The following CMSS1 variants were observed in gnomAD, a reference collection of about 807,000 sequenced individuals.
CMSS1 encodes cms1 ribosomal small subunit homolog, also known as protein CMSS1.
A neutral mutation model predicts 43.5 loss-of-function variants in CMSS1; 33 were observed. That is an observed-to-expected ratio of 0.76 (90% CI 0.57 to 1.01). The LOEUF is 1.01. CMSS1 is among the 50% of genes least tolerant of loss of function. The pLI, the probability that CMSS1 is intolerant of heterozygous loss-of-function variation, is 0.00. For missense variants in CMSS1, 313 were observed against 326.4 expected, an observed-to-expected ratio of 0.96 and a Z score of 0.32; for synonymous variants, 115 against 117.2, an observed-to-expected ratio of 0.98 and a Z score of 0.12.
intron 1 of CMSS1, among the ~76,000 whole-genome samples, chr3:99,875,779 G>A (rs1044082159): frequency 6.6e-6 from 1 of 152,084 alleles, no homozygotes; most frequent in Non-Finnish European, 1.5e-5. Context: ...TCTCAATATG[G>A]GCAGGATTCA....
intron 1 of CMSS1, among the ~76,000 whole-genome samples, chr3:99,885,981 G>A (rs1433360291): frequency 6.6e-6 from 1 of 152,202 alleles, no homozygotes; most frequent in Non-Finnish European, 1.5e-5. Flanking sequence ...GGATATTTCT[G>A]ACTAAAAATC....
At chr3:99,855,222 A>G (rs1943902845) in intron 1 of CMSS1, among the ~76,000 whole-genome samples, 2 of 152,216 alleles carry the variant, frequency 1.3e-5, no homozygotes, top group Non-Finnish European at 2.9e-5. Flanking sequence ...GTGAGAGAAT[A>G]TGGCTAAATT....
intron 2 of CMSS1, 93 bp downstream of exon 2, chr3:100,147,154 T>G: frequency 1.6e-4 from 219 of 1,364,420 alleles, no homozygotes; most frequent in Non-Finnish European, 2.0e-4. Flanking sequence ...TAATATCGGT[T>G]GTTGGTGGGA....
Position 100,172,396 on chromosome 3 carries a change from T to C in CMSS1, c.660T>C (p.Val220=), listed in dbSNP as rs1484733224. The C allele has an allele frequency of 1.2e-6, 2 of 1,612,984 alleles. No homozygotes were observed. Among genetic ancestry groups the C allele is most frequent in the African/African-American group, 1.3e-5 (1 of 74,886 alleles). The change falls in exon 8 of 10, where the codon GTT becomes GTC. Residue 220 remains valine (V), a synonymous_variant. Transcript: ENST00000421999. ...CTCCGGGGAGAATTAAAGAACTTGT[T>C]AAACAAGGTATGACAAGAGGGCAGT... ...VGTPGRIKEL[V]KQGGLNLSPL... is the part of the protein sequence containing the mutation.
chr3:99,951,495 G>A (rs181863491), intron 1 of CMSS1, among the ~76,000 whole-genome samples: 16 of 152,276 alleles, frequency 1.1e-4, no homozygotes, highest in Non-Finnish European at 1.9e-4. Flanking sequence ...TTTTAGTCCA[G>A]TCTCCCTGGT....
intron 9 of CMSS1, 116 bp downstream of exon 9, chr3:100,176,531 TTCTA>T (rs1249504318): frequency 2.3e-5 from 15 of 656,002 alleles, no homozygotes; most frequent in Non-Finnish European, 3.4e-5. Flanking sequence ...TTGAAATGAT[TTCTA>T]TCTTTTTTAA....
chr3:100,144,075 A>T (rs1470812145), intron 1 of CMSS1, among the ~76,000 whole-genome samples: 1 of 152,140 alleles, frequency 6.6e-6, no homozygotes, highest in African/African-American at 2.4e-5. Flanking sequence ...ATTCATTGAT[A>T]TGTTGGGGGT....
intron 1 of CMSS1, among the ~76,000 whole-genome samples, chr3:99,957,463 T>TAG (rs987585397): frequency 3.3e-5 from 5 of 152,036 alleles, no homozygotes; most frequent in South Asian, 2.1e-4. Flanking sequence ...TATATATATA[T>TAG]AGAGAGAGAG....
At chr3:99,994,289 G>A (rs1320765328) in intron 1 of CMSS1, among the ~76,000 whole-genome samples, 1 of 152,078 alleles carries the variant, frequency 6.6e-6, no homozygotes, top group African/African-American at 2.4e-5. Context: ...ATAATAGTAG[G>A]GGACTTTATT....
rs370934283 is a variant in CMSS1 at position 100,147,075 on chromosome 3, G to A, written c.153+14G>A. ...AAAACCAAACAGGTGAGGGGTCACT[G>A]TGGGAGAGCCACCACTGTTAAATTC... On this transcript the variant is annotated intron_variant, in intron 2 of 9. Transcript: ENST00000421999. The A allele has an allele frequency of 5.3e-5, 86 of 1,613,088 alleles. No individual in the cohort carries two copies. Among genetic ancestry groups the A allele is most frequent in the Middle Eastern group, 3.3e-4 (2 of 6,078 alleles).
At chr3:99,854,615 C>T (rs1251098537) in intron 1 of CMSS1, among the ~76,000 whole-genome samples, 1 of 152,114 alleles carries the variant, frequency 6.6e-6, no homozygotes, top group African/African-American at 2.4e-5. Flanking sequence ...ATCTTGTGCA[C>T]TACAAGATGT....
chr3:100,069,973 C>CT (rs1011550101), intron 1 of CMSS1, among the ~76,000 whole-genome samples: 1 of 151,930 alleles, frequency 6.6e-6, no homozygotes, highest in Non-Finnish European at 1.5e-5. Flanking sequence ...TATTTTTCTC[C>CT]TTTTTTTTCC....
chr3:100,150,904 A>G (rs1397274628), intron 2 of CMSS1, among the ~76,000 whole-genome samples: 1 of 152,192 alleles, frequency 6.6e-6, no homozygotes, highest in Non-Finnish European at 1.5e-5. Context: ...TGATGCTTCC[A>G]TGATGTCAGT....
At chr3:99,903,698 C>T (rs1051581725) in intron 1 of CMSS1, among the ~76,000 whole-genome samples, 5 of 152,092 alleles carry the variant, frequency 3.3e-5, no homozygotes, top group African/African-American at 1.2e-4. Flanking sequence ...TAACAGGACC[C>T]TACACAACAT....
chr3:100,065,986 C>T (rs1400305673), intron 1 of CMSS1, among the ~76,000 whole-genome samples: 5 of 152,186 alleles, frequency 3.3e-5, no homozygotes, highest in Non-Finnish European at 7.4e-5. Flanking sequence ...TCTGGGAATG[C>T]GACCCAGCAA....
chr3:100,122,060 C>T (rs897424370), intron 1 of CMSS1, among the ~76,000 whole-genome samples: 1 of 152,124 alleles, frequency 6.6e-6, no homozygotes, highest in African/African-American at 2.4e-5. Context: ...GGAAGCAGAA[C>T]CCCATGCAAA....
intron 1 of CMSS1, among the ~76,000 whole-genome samples, chr3:100,108,860 C>G (rs2066438571): frequency 6.6e-6 from 1 of 152,142 alleles, no homozygotes; most frequent in Non-Finnish European, 1.5e-5. Context: ...CTTGCTATGT[C>G]TATCTGAATA....
chr3:100,174,149 T>C (rs959720933), intron 8 of CMSS1, among the ~76,000 whole-genome samples: 1 of 152,150 alleles, frequency 6.6e-6, no homozygotes, highest in Non-Finnish European at 1.5e-5. Context: ...TGGATTTTTG[T>C]CTTGTGGACA....
intron 1 of CMSS1, among the ~76,000 whole-genome samples, chr3:99,935,979 A>G (rs1245976432): frequency 6.6e-6 from 1 of 152,196 alleles, no homozygotes; most frequent in Non-Finnish European, 1.5e-5. Context: ...CCCCTCAGCC[A>G]ATTACTTATT....
Sources: allele counts gnomAD v4.1 joint callset (sites outside exome capture counted in the v4.1 genomes callset), GRCh38; gene constraint gnomAD v4.1.1; transcripts MANE v1.5; gene names NCBI Gene and HGNC (gene_info 2026-07-23, HGNC 2026-07-21).